The following CEP128 variants were observed in gnomAD, a reference collection of about 807,000 sequenced individuals.
The protein encoded by CEP128 is centrosomal protein 128.
In CEP128, 132 loss-of-function variants were observed where a neutral mutation model predicts 156.7. The ratio of observed to expected loss-of-function variants is 0.84; its 90% CI spans 0.73 to 0.97. The LOEUF is 0.97. Ranked by LOEUF, CEP128 falls within the 50% of genes least tolerant of loss-of-function variation. The pLI is 0.00. For synonymous variants in CEP128, 469 were observed against 448.9 expected (o/e 1.04, Z -0.57); for missense variants, 1,252 against 1,281.9 (o/e 0.98, Z 0.36).
intron 13 of CEP128, among the ~76,000 whole-genome samples, chr14:80,803,424 A>T (rs2139901271): frequency 6.6e-6 from 1 of 152,116 alleles, no homozygotes; most frequent in East Asian, 1.9e-4. Context: ...TACTAAAAGT[A>T]TTAAAAAGAA....
intron 21 of CEP128, among the ~76,000 whole-genome samples, chr14:80,532,673 T>C (rs1889283420): frequency 6.6e-6 from 1 of 152,190 alleles, no homozygotes; most frequent in African/African-American, 2.4e-5. Flanking sequence ...GCAGGGTGAA[T>C]GATATTTGAT....
intron 2 of CEP128, among the ~76,000 whole-genome samples, chr14:80,937,530 T>G (rs1566726820): frequency 1.3e-5 from 2 of 152,154 alleles, no homozygotes; most frequent in African/African-American, 4.8e-5. Flanking sequence ...TGAATGAATT[T>G]TTTTACAGTT....
intron 9 of CEP128, among the ~76,000 whole-genome samples, chr14:80,849,919 G>C (rs995457720): frequency 6.6e-6 from 1 of 152,018 alleles, no homozygotes; most frequent in South Asian, 2.1e-4. Flanking sequence ...AAGTATCTTT[G>C]GGAAAATTCT....
intron 13 of CEP128, among the ~76,000 whole-genome samples, chr14:80,828,127 T>C (rs1056330558): frequency 1.4e-5 from 2 of 147,426 alleles, no homozygotes; most frequent in Non-Finnish European, 3.0e-5. Context: ...TTTTTTCTTT[T>C]TTTTTTTTTT....
chr14:80,903,937 T>G (rs1247698588), intron 6 of CEP128, among the ~76,000 whole-genome samples: 1 of 152,080 alleles, frequency 6.6e-6, no homozygotes, highest in Non-Finnish European at 1.5e-5. Flanking sequence ...ATGGAGGGTC[T>G]TCAAAAACTA....
chr14:80,654,399 G>C (rs1895042141), intron 19 of CEP128, among the ~76,000 whole-genome samples: 2 of 152,158 alleles, frequency 1.3e-5, no homozygotes, highest in African/African-American at 2.4e-5. Flanking sequence ...TTTAAACAGA[G>C]AGGGGGATAT....
At chr14:80,836,441 C>A (rs1424812028) in intron 11 of CEP128, 104 bp from the exon 12 acceptor site, 3 of 1,250,286 alleles carry the variant, frequency 2.4e-6, no homozygotes, top group Non-Finnish European at 3.4e-6. Context: ...AATCTCCTTC[C>A]AAGCATAGTG....
rs1896383945 is a variant in CEP128, at chr14:80,683,026, C to A, written c.2806+60049G>T. On this transcript the variant is annotated intron_variant, in intron 19 of 24. Transcript: ENST00000555265. ...ACACGTACACACACAAACACACTCA[C>A]TTAAGTACATAGCTCACAGACCCTA... is the stretch of plus-strand genomic sequence containing the variant. 2.0e-5 allele frequency among the ~76,000 whole-genome samples: 3 copies of A among 152,064 alleles called. No individual in the cohort carries two copies. In the South Asian group the frequency reaches 6.2e-4, roughly 31 times the overall value.
At position 80,622,966 on chromosome 14, in the gene CEP128, C is replaced by A. The variant is rs1281603887; in HGVS notation, c.2807-42543G>T. Among the ~76,000 whole-genome samples, 4 of 152,054 alleles carry A rather than the reference C, an allele frequency of 2.6e-5. No individual in the cohort carries two copies. The East Asian group carries it at 5.8e-4, about 22-fold the overall frequency. On this transcript the variant is annotated intron_variant, in intron 19 of 24. Transcript: ENST00000555265. ...CAGCCATCCCATTGCTGGATATATA[C>A]CCAAAGGACTATAAATCATGCTGCT...
At chr14:80,564,375 C>A (rs1890823301) in intron 20 of CEP128, among the ~76,000 whole-genome samples, 1 of 152,098 alleles carries the variant, frequency 6.6e-6, no homozygotes, top group Non-Finnish European at 1.5e-5. Flanking sequence ...TTAATTTGTT[C>A]TGGGTTTGAC....
chr14:80,703,431 A>G (rs568571108), intron 19 of CEP128, among the ~76,000 whole-genome samples: 4 of 152,100 alleles, frequency 2.6e-5, no homozygotes, highest in African/African-American at 9.6e-5. Context: ...CTGTAAAACA[A>G]TATGTTTTTA....
chr14:80,740,494 C>A (rs1898762763), intron 19 of CEP128, among the ~76,000 whole-genome samples: 1 of 140,802 alleles, frequency 7.1e-6, no homozygotes, highest in Admixed American at 7.3e-5. Flanking sequence ...ATATTTATAT[C>A]TAGATAGATA....
chr14:80,847,767 C>A (rs1368600736), intron 9 of CEP128, among the ~76,000 whole-genome samples: 3 of 152,186 alleles, frequency 2.0e-5, no homozygotes, highest in African/African-American at 7.2e-5. Flanking sequence ...GCCCTTACTG[C>A]ATTGCAAAGA....
Position 80,690,637 on chromosome 14 carries a change from T to G in CEP128, c.2806+52438A>C, listed in dbSNP as rs1480540139. On this transcript the variant is annotated intron_variant, in intron 19 of 24. Coordinates refer to ENST00000555265, the MANE Select transcript of CEP128 (RefSeq NM_152446.5). ...TATTTCTTTTCATATGTATGAAATT[T>G]CAAAATAGTGTATAAAGACTCACTT... Among the ~76,000 whole-genome samples the G allele has an allele frequency of 3.3e-5, 5 of 152,170 alleles. No homozygotes were observed. The East Asian group carries it at 9.6e-4, about 29-fold the overall frequency.
chr14:80,480,948 T>C (rs1210156178), intron 14 of CEP128, among the ~76,000 whole-genome samples: 3 of 152,210 alleles, frequency 2.0e-5, no homozygotes, highest in Non-Finnish European at 4.4e-5. Flanking sequence ...GCTATCATCA[T>C]TTTGGGCAAA....
chr14:80,828,652 C>A (rs772379869), intron 13 of CEP128, among the ~76,000 whole-genome samples: 3 of 151,738 alleles, frequency 2.0e-5, no homozygotes, highest in Non-Finnish European at 4.4e-5. Context: ...ACAACTGGCA[C>A]AAAGGAAAAA....
In CEP128 at chr14:80,914,563, T is replaced by A. The variant is rs1431865735; in HGVS notation, c.148-155A>T. 3.3e-5 allele frequency among the ~76,000 whole-genome samples: 5 copies of A among 152,332 alleles called. No homozygotes were observed. In the East Asian group the frequency reaches 9.6e-4, roughly 29 times the overall value. On this transcript the variant is annotated intron_variant, in intron 3 of 24. Transcript: ENST00000555265. ...ATCAATGTACTTCACACATATTAAG[T>A]AAATCTTAACACCACTGAGAGAAAC...
At chr14:80,780,571 A>C (rs1901053176) in intron 15 of CEP128, among the ~76,000 whole-genome samples, 1 of 152,170 alleles carries the variant, frequency 6.6e-6, no homozygotes, top group South Asian at 2.1e-4. Flanking sequence ...GTTTCAGAAG[A>C]TCCGCAGAAT....
At chr14:80,729,622 T>C (rs1216337166) in intron 19 of CEP128, among the ~76,000 whole-genome samples, 2 of 152,188 alleles carry the variant, frequency 1.3e-5, no homozygotes, top group African/African-American at 2.4e-5. Flanking sequence ...TTTTTTATTG[T>C]GGTTGTACTA....
Sources: gnomAD v4.1 joint callset for allele counts (sites outside exome capture counted in the v4.1 genomes callset) on GRCh38, gnomAD v4.1.1 for gene constraint, MANE v1.5 for transcripts, NCBI Gene and HGNC (gene_info 2026-07-23, HGNC 2026-07-21) for gene names.